TLN2: variants seen among roughly 807,000 people sequenced by gnomAD.
TLN2 encodes talin 2.
Under a neutral mutation model 294.7 loss-of-function variants are expected in TLN2, and 118 were observed. The observed-to-expected ratio is 0.40, with a 90% confidence interval of 0.34 to 0.47. The LOEUF (loss-of-function observed/expected upper bound fraction) is 0.47, where lower values mean the gene tolerates loss of function less well. Ranked by LOEUF, TLN2 falls within the 20% of genes least tolerant of loss-of-function variation. The pLI is 0.84. For missense variants in TLN2, 3,083 were observed against 3,282.2 expected (o/e 0.94, Z 1.48); for synonymous variants, 1,431 against 1,304.5 (o/e 1.10, Z -2.09).
chr15:62,670,322 C>CTT (rs1567310424), intron 9 of TLN2, among the ~76,000 whole-genome samples: 1 of 152,172 alleles, frequency 6.6e-6, no homozygotes, highest in Non-Finnish European at 1.5e-5. Context: ...GGTGGACCCA[C>CTT]TTTTGTTCTG....
chr15:62,626,719 G>A (rs1031840010), intron 3 of TLN2, among the ~76,000 whole-genome samples: 1 of 152,160 alleles, frequency 6.6e-6, no homozygotes, highest in African/African-American at 2.4e-5. Flanking sequence ...GATGATAAAT[G>A]CCTTGTCCAA....
intron 14 of TLN2, among the ~76,000 whole-genome samples, chr15:62,695,728 A>G (rs1168508472): frequency 2.0e-5 from 3 of 152,206 alleles, no homozygotes; most frequent in African/African-American, 2.4e-5. Flanking sequence ...ACTTGATATG[A>G]TAAGTTTCTA....
chr15:62,673,953 G>A lies in TLN2; in HGVS notation c.852+63G>A. 2.2e-6 allele frequency: 3 copies of A among 1,340,186 alleles called. No homozygotes were observed. The Admixed American group carries it at 5.3e-5, about 24-fold the overall frequency. The allele number at this position is 1,340,186 out of a possible 1,614,324, so 83.0% of individuals were successfully genotyped here. On this transcript the variant is annotated intron_variant, in intron 10 of 58. Coordinates refer to ENST00000636159, the MANE Select transcript of TLN2 (RefSeq NM_015059.3). ...TCCCCATCCTCATTTATTAGTGTGA[G>A]GGGGCCTCTGCGCATGGTAGTTTTA...
chr15:62,786,288 G>A (rs1020667117), intron 45 of TLN2, among the ~76,000 whole-genome samples: 19 of 152,186 alleles, frequency 1.2e-4, no homozygotes, highest in Non-Finnish European at 2.4e-4. Context: ...TCCCTTCGCT[G>A]CAGTCCCGCA....
chr15:62,472,495 T>G (rs1398693979), intron 1 of TLN2, among the ~76,000 whole-genome samples: 1 of 152,206 alleles, frequency 6.6e-6, no homozygotes, highest in Non-Finnish European at 1.5e-5. Context: ...TCTCCCGTGC[T>G]TCAGCCCTGC....
intron 1 of TLN2, among the ~76,000 whole-genome samples, chr15:62,564,432 A>C (rs962291698): frequency 2.0e-5 from 3 of 152,200 alleles, no homozygotes; most frequent in Non-Finnish European, 4.4e-5. Flanking sequence ...GACTCATTTC[A>C]ATCTGCAAAG....
chr15:62,555,642 T>C (rs2042561977), intron 1 of TLN2, among the ~76,000 whole-genome samples: 1 of 152,260 alleles, frequency 6.6e-6, no homozygotes, highest in Non-Finnish European at 1.5e-5. Flanking sequence ...ATCTGTCTAG[T>C]CTACCTAGGA....
chr15:62,587,469 A>C (rs2045701234), intron 1 of TLN2, among the ~76,000 whole-genome samples: 1 of 152,262 alleles, frequency 6.6e-6, no homozygotes, highest in African/African-American at 2.4e-5. Flanking sequence ...ATCATACTGC[A>C]TATGGTCATT....
intron 41 of TLN2, among the ~76,000 whole-genome samples, chr15:62,767,424 C>T (rs1305279438): frequency 1.4e-4 from 21 of 151,958 alleles, no homozygotes; most frequent in Non-Finnish European, 3.1e-4. Context: ...TTACCACAAC[C>T]TCCGCCTCCC....
intron 50 of TLN2, among the ~76,000 whole-genome samples, chr15:62,802,609 A>G (rs1185529217): frequency 6.6e-6 from 1 of 152,210 alleles, no homozygotes; most frequent in Non-Finnish European, 1.5e-5. Flanking sequence ...GGATTGCTGG[A>G]TCACAAAGTA....
In TLN2 at chr15:62,741,767, G is replaced by GTGTGTGTGTGTGTGTGTGTA. The variant is rs1353440110; in HGVS notation, c.4025+999_4025+1000insGTGTGTGTGTGTGTGTGTAT. Among the ~76,000 whole-genome samples, 30 of 151,678 alleles carry GTGTGTGTGTGTGTGTGTGTA rather than the reference G, an allele frequency of 2.0e-4. 1 individual carries two copies. Among genetic ancestry groups the GTGTGTGTGTGTGTGTGTGTA allele is most frequent in the African/African-American group, 7.0e-4 (29 of 41,252 alleles). ...TTTGCGCGTGTGTGTGTGTGTGTGT[G>GTGTGTGTGTGTGTGTGTGTA]TCTTTATGTCTCCCCTGGGAGATCA... On this transcript the variant is annotated intron_variant, in intron 32 of 58. Transcript: ENST00000636159.
intron 1 of TLN2, among the ~76,000 whole-genome samples, chr15:62,401,788 T>A (rs2033040090): frequency 6.6e-6 from 1 of 152,224 alleles, no homozygotes; most frequent in Non-Finnish European, 1.5e-5. Context: ...TCTTAGTCCC[T>A]TGACCAACTC....
chr15:62,833,620 C>T lies in TLN2; in HGVS notation c.7119C>T (p.Ala2373=), dbSNP rs1455337923. Residue 2373 remains alanine (A), a synonymous_variant, in exon 55 of 59, where the codon GCC becomes GCT. Transcript: ENST00000636159. ...CAGCAGCCCAGAGGGAGCTGGTGGCCCAAGGAAAGGTGGGTAAAGCCGCTG... is the reference window on the plus strand; with the variant it reads ...CAGCAGCCCAGAGGGAGCTGGTGGCTCAAGGAAAGGTGGGTAAAGCCGCTG... The part of the protein sequence containing the change: ...SASAAQRELV[A]QGKVGSIPAN... 6.2e-6 allele frequency: 10 copies of T among 1,613,794 alleles called. No homozygotes were observed. The highest frequency in any genetic ancestry group is 7.6e-6 in the Non-Finnish European group (9 of 1,179,918).
chr15:62,777,170 T>C (rs2063773525), intron 43 of TLN2, among the ~76,000 whole-genome samples: 1 of 152,098 alleles, frequency 6.6e-6, no homozygotes, highest in Non-Finnish European at 1.5e-5. Flanking sequence ...GTTTCCTCAA[T>C]TGTAAGATGG....
chr15:62,838,700 GGACA>G (rs1359249670), intron 57 of TLN2, among the ~76,000 whole-genome samples, 152 bp from the exon 58 acceptor site: 6 of 148,420 alleles, frequency 4.0e-5, no homozygotes, highest in Non-Finnish European at 5.9e-5. Context: ...ACGGATGGAT[GGACA>G]GACAGATGGG....
At chr15:62,464,376 G>A (rs1157737028) in intron 1 of TLN2, among the ~76,000 whole-genome samples, 2 of 152,108 alleles carry the variant, frequency 1.3e-5, no homozygotes, top group East Asian at 3.9e-4. Context: ...TGAACAATGA[G>A]AACACTTGGA....
rs1428881147 is a variant in TLN2 at position 62,655,964 on chromosome 15, C to T, written c.538C>T (p.Arg180Ter). The T allele has an allele frequency of 1.9e-6, 3 of 1,614,124 alleles. No individual in the cohort carries two copies. The highest frequency in any genetic ancestry group is 1.1e-5 in the South Asian group (1 of 91,072). ...DDDLNWLDHSRTFREQGVDEN... is the reference protein window; with the variant it reads ...DDDLNWLDHS The stretch of plus-strand genomic sequence containing the variant: ...TGCAGTAAATTGGCTGGATCACAGC[C>T]GAACATTCAGAGAACAAGGAGTAGA... Residue 180 changes from arginine to a stop codon, truncating the protein, a stop_gained, in exon 8 of 59, where the codon CGA (arginine) becomes TGA (stop). Coordinates refer to ENST00000636159, the MANE Select transcript of TLN2 (RefSeq NM_015059.3). LOFTEE classifies it high-confidence loss of function.
intron 1 of TLN2, among the ~76,000 whole-genome samples, chr15:62,493,837 C>T (rs2038877270): frequency 6.6e-6 from 1 of 152,158 alleles, no homozygotes; most frequent in African/African-American, 2.4e-5. Flanking sequence ...TCTCGATCTC[C>T]TGACCTCAGG....
Position 62,717,673 on chromosome 15 carries a change from T to C in TLN2, c.2861T>C (p.Leu954Pro). The change falls in exon 24 of 59, where the codon CTG (leucine) becomes CCG (proline). Residue 954 changes from leucine to proline, a missense_variant. Physicochemically the swap from Leu to Pro is moderately conservative, Grantham distance 98. Coordinates refer to ENST00000636159, the MANE Select transcript of TLN2 (RefSeq NM_015059.3). The part of the protein sequence containing the change: ...SNKNPAAQQQ[L>P]VQSCKAVADH... The stretch of plus-strand genomic sequence containing the variant: ...AAGAACCCTGCGGCCCAGCAGCAGC[T>C]GGTCCAGAGTTGCAAGGTGAGGTTC... 1 of 1,591,360 alleles carries C rather than the reference T, an allele frequency of 6.3e-7. No homozygotes were observed.
Sources: allele counts gnomAD v4.1 joint callset (sites outside exome capture counted in the v4.1 genomes callset), GRCh38; gene constraint gnomAD v4.1.1; transcripts MANE v1.5; gene names NCBI Gene and HGNC (gene_info 2026-07-23, HGNC 2026-07-21).